The following PRTG variants were observed in gnomAD, a reference collection of about 807,000 sequenced individuals.
PRTG encodes protogenin.
In PRTG, 67 loss-of-function variants were observed where a neutral mutation model predicts 122.5. The ratio of observed to expected loss-of-function variants is 0.55; its 90% CI spans 0.45 to 0.67. The LOEUF is 0.67. Among genes scored for constraint, PRTG ranks in the 30% least tolerant of loss-of-function variants. PRTG has a pLI of 0.00. For synonymous variants in PRTG, 554 were observed against 501.1 expected (o/e 1.11, Z -1.41); for missense variants, 1,435 against 1,415.4 (o/e 1.01, Z -0.22).
Position 55,675,619 on chromosome 15 carries a change from G to A in PRTG, c.1446C>T (p.Asp482=). The A allele has an allele frequency of 6.2e-7, 1 of 1,603,522 alleles. No homozygotes were observed. Among genetic ancestry groups the A allele is most frequent in the Non-Finnish European group, 8.5e-7 (1 of 1,170,674 alleles). ...GNDTTHYIID[D]LEPASNYTFY... ...AAGTATAATTGCTGGCAGGCTCTAA[G>A]TCATCAATAATATAATGAGTTGTGT... The change falls in exon 9 of 20, where the codon GAC becomes GAT. Residue 482 remains aspartate, a synonymous_variant. Coordinates refer to ENST00000389286, the MANE Select transcript of PRTG (RefSeq NM_173814.6).
chr15:55,632,230 C>T (rs2059231582), intron 15 of PRTG, among the ~76,000 whole-genome samples: 1 of 152,218 alleles, frequency 6.6e-6, no homozygotes, highest in Admixed American at 6.5e-5. Flanking sequence ...TCCCAGTGAT[C>T]TGGCTTCTGT....
intron 18 of PRTG, 43 bp from the exon 19 acceptor site, chr15:55,620,810 A>G (rs2059162301): frequency 6.6e-7 from 1 of 1,506,694 alleles, no homozygotes; most frequent in East Asian, 2.3e-5. Flanking sequence ...TCCTGGTATC[A>G]CAGATTTCAC....
At chr15:55,644,843 A>G (rs1268278702) in intron 11 of PRTG, among the ~76,000 whole-genome samples, 4 of 152,218 alleles carry the variant, frequency 2.6e-5, no homozygotes, top group African/African-American at 9.6e-5. Context: ...GACATAGGAC[A>G]TACTATATGG....
At chr15:55,636,943 G>A (rs553215368) in intron 15 of PRTG, among the ~76,000 whole-genome samples, 18 of 152,094 alleles carry the variant, frequency 1.2e-4, no homozygotes, top group Admixed American at 5.9e-4. Context: ...CACTGCGCCC[G>A]GCTATATCTC....
intron 2 of PRTG, among the ~76,000 whole-genome samples, chr15:55,698,721 A>C (rs1595661087): frequency 6.6e-6 from 1 of 152,296 alleles, no homozygotes; most frequent in Non-Finnish European, 1.5e-5. Context: ...GATGCTCATA[A>C]GTTTCATTTA....
At chr15:55,715,088 T>C (rs1332412366) in intron 2 of PRTG, among the ~76,000 whole-genome samples, 2 of 152,228 alleles carry the variant, frequency 1.3e-5, no homozygotes, top group Admixed American at 6.5e-5. Context: ...TCAACTGTCA[T>C]ATATTCATAT....
chr15:55,625,380 A>T (rs2059189018), intron 17 of PRTG, among the ~76,000 whole-genome samples: 1 of 152,176 alleles, frequency 6.6e-6, no homozygotes, highest in South Asian at 2.1e-4. Flanking sequence ...CATTTCAGGC[A>T]CTGTTACTGA....
At chr15:55,641,301 C>T in intron 11 of PRTG, 93 bp from the exon 12 acceptor site, 2 of 808,942 alleles carry the variant, frequency 2.5e-6, no homozygotes, top group Admixed American at 2.6e-5. Flanking sequence ...GGTTTAAAAA[C>T]CTGCTGAATG....
At chr15:55,711,510 A>G (rs2141854947) in intron 2 of PRTG, among the ~76,000 whole-genome samples, 1 of 152,172 alleles carries the variant, frequency 6.6e-6, no homozygotes, top group Non-Finnish European at 1.5e-5. Flanking sequence ...ATTCCATACC[A>G]GGTCCTTGAG....
At chr15:55,629,910 T>A (rs1032552587) in intron 15 of PRTG, among the ~76,000 whole-genome samples, 2 of 149,822 alleles carry the variant, frequency 1.3e-5, no homozygotes, top group African/African-American at 4.9e-5. Flanking sequence ...CTCCACCTCC[T>A]GGGTTCAAGC....
Position 55,673,426 on chromosome 15 carries a change from C to T in PRTG, c.1797G>A (p.Leu599=), listed in dbSNP as rs1201527623. Residue 599 remains leucine, a synonymous_variant, in exon 10 of 20, where the codon CTG becomes CTA. Coordinates refer to ENST00000389286, the MANE Select transcript of PRTG (RefSeq NM_173814.6). ...GTGAAGTCCATACTGATGACTCTCC[C>T]AGCCCCACTCTGGTGGCAGCAGTAA... ...VRITAATRVG[L]GESSVWTSHR... is the part of the protein sequence containing the mutation. The T allele has an allele frequency of 1.2e-6, 2 of 1,614,064 alleles. No homozygotes were observed. The highest frequency in any genetic ancestry group is 2.7e-5 in the African/African-American group (2 of 74,934).
In PRTG at chr15:55,638,642, G is replaced by C; in HGVS notation, c.2359C>G (p.Pro787Ala). Residue 787 changes from proline to alanine, a missense_variant, in exon 14 of 20, where the codon CCA becomes GCA. By Grantham distance (27) the Pro-to-Ala change is conservative. Coordinates refer to ENST00000389286, the MANE Select transcript of PRTG (RefSeq NM_173814.6). ...ETHMLVQGLE[P>A]NTKYEFAVRL... is the part of the protein sequence containing the mutation. ...ACGGCAAATTCGTATTTGGTGTTTG[G>C]TTCTAGACCTTGAACCAACATGTGA... 1 of 1,613,412 alleles carries C rather than the reference G, an allele frequency of 6.2e-7. No individual in the cohort carries two copies. Among genetic ancestry groups the C allele is most frequent in the Non-Finnish European group, 8.5e-7 (1 of 1,179,616 alleles).
chr15:55,649,682 C>T (rs1192137108), intron 11 of PRTG, among the ~76,000 whole-genome samples: 1 of 151,756 alleles, frequency 6.6e-6, no homozygotes, highest in Non-Finnish European at 1.5e-5. Flanking sequence ...ATTCCAGCTA[C>T]TCGGGTGGCT....
intron 2 of PRTG, among the ~76,000 whole-genome samples, chr15:55,740,157 T>A (rs1470339765): frequency 6.6e-6 from 1 of 152,266 alleles, no homozygotes; most frequent in Non-Finnish European, 1.5e-5. Context: ...GGTTTCATTT[T>A]ACTTGGTGTT....
At chr15:55,691,000 G>A (rs1283666997) in intron 2 of PRTG, among the ~76,000 whole-genome samples, 1 of 152,128 alleles carries the variant, frequency 6.6e-6, no homozygotes, top group Non-Finnish European at 1.5e-5. Flanking sequence ...CAAACTTTCT[G>A]TAGAAGATAC....
intron 18 of PRTG, 93 bp from the exon 19 acceptor site, chr15:55,620,860 C>T: frequency 9.7e-7 from 1 of 1,029,326 alleles, no homozygotes; most frequent in Admixed American, 2.9e-5. Context: ...TTACTATATG[C>T]TTCACATTTC....
At chr15:55,659,670 A>G (rs974220480) in intron 11 of PRTG, among the ~76,000 whole-genome samples, 126 of 152,306 alleles carry the variant, frequency 8.3e-4, no homozygotes, top group African/African-American at 2.8e-3. Context: ...TCACGCCTGT[A>G]ATCCTAGCAC....
At chr15:55,636,159 C>G (rs1033997400) in intron 15 of PRTG, among the ~76,000 whole-genome samples, 2 of 151,552 alleles carry the variant, frequency 1.3e-5, no homozygotes, top group Non-Finnish European at 2.9e-5. Context: ...TAAAAGTATG[C>G]AGTAAGAAAC....
chr15:55,719,304 A>G (rs1348026254), intron 2 of PRTG, among the ~76,000 whole-genome samples: 1 of 152,220 alleles, frequency 6.6e-6, no homozygotes, highest in African/African-American at 2.4e-5. Flanking sequence ...GGCAAAGTTG[A>G]TATTAGAAGA....
Sources: gnomAD v4.1 joint callset for allele counts (sites outside exome capture counted in the v4.1 genomes callset) on GRCh38, gnomAD v4.1.1 for gene constraint, MANE v1.5 for transcripts, NCBI Gene and HGNC (gene_info 2026-07-23, HGNC 2026-07-21) for gene names.